Variants in TRAPPC9 observed in about 807,000 individuals in gnomAD.
The protein encoded by TRAPPC9 is trafficking protein particle complex subunit 9, also known as IKK2 binding protein.
TRAPPC9 carries 83 observed loss-of-function variants against 124.0 expected under a neutral mutation model. The observed-to-expected ratio is 0.67, with a 90% CI of 0.56 to 0.80. The LOEUF (loss-of-function observed/expected upper bound fraction) is 0.80, where lower values mean the gene tolerates loss of function less well. TRAPPC9 is among the 30% of genes least tolerant of loss of function. The pLI is 0.00. For missense variants in TRAPPC9, 1,302 were observed against 1,508.3 expected, an observed-to-expected ratio of 0.86 and a Z score of 2.27; for synonymous variants, 638 against 617.5, an observed-to-expected ratio of 1.03 and a Z score of -0.49.
intron 17 of TRAPPC9, among the ~76,000 whole-genome samples, chr8:140,168,884 G>A (rs2061904441): frequency 6.6e-6 from 1 of 152,236 alleles, no homozygotes; most frequent in African/African-American, 2.4e-5. Context: ...TAGAGGGTAA[G>A]TTCTATGGGG....
intron 2 of TRAPPC9, among the ~76,000 whole-genome samples, chr8:140,441,779 G>A (rs1324204176): frequency 6.6e-6 from 1 of 152,134 alleles, no homozygotes; most frequent in Non-Finnish European, 1.5e-5. Context: ...TGCCCAGGCT[G>A]GTCTGGAACT....
chr8:140,216,220 G>A lies in TRAPPC9; in HGVS notation c.2556+5239C>T, dbSNP rs140937017. Among the ~76,000 whole-genome samples the A allele has an allele frequency of 3.8e-4, 58 of 152,268 alleles. 1 individual carries two copies. Among genetic ancestry groups the A allele is most frequent in the East Asian group, 3.1e-3 (16 of 5,180 alleles). On this transcript the variant is annotated intron_variant, in intron 17 of 22. Transcript: ENST00000438773. This position sits in a 1 kb window ranked among gnomAD's most constrained non-coding sequence, Gnocchi z 4.1. ...CCAAAAGGACAATTTCGATGCAAGTGCCTGATATGCAAGAGTTCCTCGGTA... is the reference window on the plus strand; with the variant it reads ...CCAAAAGGACAATTTCGATGCAAGTACCTGATATGCAAGAGTTCCTCGGTA...
At position 140,311,217 on chromosome 8, in the gene TRAPPC9, T is replaced by C. The variant is rs201592204; in HGVS notation, c.1622+31A>G. The C allele has an allele frequency of 7.1e-4, 1,147 of 1,606,382 alleles. 11 individuals carry two copies. In the African/African-American group the frequency reaches 0.014, roughly 19 times the overall value. On this transcript the variant is annotated intron_variant, in intron 10 of 22. Transcript: ENST00000438773. Reference sequence around the variant, plus strand: ...AGAGGACGGTGTCCCAGAGGGCAGCTGCCTTTCCGGCTCTGCAGTGCCCAT... The same window carrying C: ...AGAGGACGGTGTCCCAGAGGGCAGCCGCCTTTCCGGCTCTGCAGTGCCCAT...
intron 17 of TRAPPC9, among the ~76,000 whole-genome samples, chr8:140,117,999 G>C (rs1423517626): frequency 6.6e-6 from 1 of 152,162 alleles, no homozygotes; most frequent in East Asian, 1.9e-4. Context: ...GCAACCACTA[G>C]GAATTTGAAG....
chr8:139,857,196 G>A (rs1359198139), intron 21 of TRAPPC9, among the ~76,000 whole-genome samples: 1 of 152,180 alleles, frequency 6.6e-6, no homozygotes, highest in African/African-American at 2.4e-5. Flanking sequence ...AGGAGGGAGC[G>A]GTGGAGCGCC....
chr8:140,213,306 A>G (rs553252930), intron 17 of TRAPPC9, among the ~76,000 whole-genome samples: 1 of 152,220 alleles, frequency 6.6e-6, no homozygotes, highest in African/African-American at 2.4e-5. Context: ...TTGTCACATC[A>G]TCTCAGTTTT....
At chr8:140,122,480 A>G (rs2061007333) in intron 17 of TRAPPC9, among the ~76,000 whole-genome samples, 1 of 152,254 alleles carries the variant, frequency 6.6e-6, no homozygotes, top group South Asian at 2.1e-4. Flanking sequence ...AGGAGTGAAC[A>G]AAAGTCTTAG....
chr8:140,185,650 C>T (rs970511308), intron 17 of TRAPPC9, among the ~76,000 whole-genome samples: 8 of 152,134 alleles, frequency 5.3e-5, no homozygotes, highest in Non-Finnish European at 7.3e-5. Context: ...AGGGCTCAGC[C>T]GCATTCCCAC....
intron 12 of TRAPPC9, 64 bp from the exon 13 acceptor site, chr8:140,287,798 T>A: frequency 1.2e-6 from 2 of 1,610,586 alleles, no homozygotes; most frequent in East Asian, 2.2e-5. Context: ...CAGTTCCAAA[T>A]GAGCCTTAAG....
chr8:140,017,531 G>A (rs1479898073), intron 18 of TRAPPC9, among the ~76,000 whole-genome samples: 1 of 152,162 alleles, frequency 6.6e-6, no homozygotes, highest in Non-Finnish European at 1.5e-5. Context: ...ATCAACTGAT[G>A]AGATACAATT....
intron 17 of TRAPPC9, among the ~76,000 whole-genome samples, chr8:140,086,216 G>C (rs1057494450): frequency 3.9e-5 from 6 of 152,158 alleles, no homozygotes; most frequent in Admixed American, 2.0e-4. Flanking sequence ...CACAAAGAAA[G>C]TACAAGAGGA....
chr8:140,349,469 A>T lies in TRAPPC9; in HGVS notation c.1495+10581T>A, dbSNP rs183088640. On this transcript the variant is annotated intron_variant, in intron 9 of 22. Transcript: ENST00000438773. ...AGGGAAGGGCACACAGGGGGGCCGA[A>T]GGGGGCGCGCGAGGGAAGGCAGACG... is the stretch of plus-strand genomic sequence containing the variant. Among the ~76,000 whole-genome samples, 617 of 132,268 alleles carry T rather than the reference A, an allele frequency of 4.7e-3. 2 individuals carry two copies. The highest frequency in any genetic ancestry group is 0.016 in the African/African-American group (554 of 33,756). 86.8% of individuals were successfully genotyped at this position (132,268 alleles called of 152,430 possible). A position where few individuals can be genotyped will look rare whatever the true frequency, so the allele number is the denominator to read the frequency against.
intron 19 of TRAPPC9, among the ~76,000 whole-genome samples, chr8:139,924,546 G>T (rs1393580219): frequency 1.3e-5 from 2 of 152,200 alleles, no homozygotes; most frequent in Non-Finnish European, 2.9e-5. Flanking sequence ...GCCGGGCCCT[G>T]GCACAATCCT....
intron 19 of TRAPPC9, chr8:139,916,544 CG>C (rs1464880011): frequency 2.0e-5 from 3 of 152,248 alleles, no homozygotes; most frequent in Non-Finnish European, 1.5e-5. Flanking sequence ...CGCGGCCTCC[CG>C]GGTAGACGGT....
intron 17 of TRAPPC9, among the ~76,000 whole-genome samples, chr8:140,069,651 G>A (rs544479518): frequency 3.3e-4 from 51 of 152,270 alleles, no homozygotes; most frequent in African/African-American, 1.1e-3. Flanking sequence ...GCTGATGGGT[G>A]TATCAGGCAG....
At chr8:140,310,696 C>T (rs752907623) in intron 10 of TRAPPC9, among the ~76,000 whole-genome samples, 4 of 151,972 alleles carry the variant, frequency 2.6e-5, no homozygotes, top group Non-Finnish European at 4.4e-5. Context: ...TCAGGGAGCT[C>T]GCCTCTCAGG....
chr8:140,011,586 C>G (rs551263709), intron 18 of TRAPPC9, among the ~76,000 whole-genome samples: 1 of 146,152 alleles, frequency 6.8e-6, no homozygotes, highest in East Asian at 2.0e-4. Context: ...TCACTGCAAC[C>G]TCTGCCTCCC....
chr8:140,458,056 CGA>C (rs546917206), upstream of TRAPPC9, among the ~76,000 whole-genome samples: 7 of 85,614 alleles, frequency 8.2e-5, no homozygotes, highest in East Asian at 1.8e-3. Flanking sequence ...GGAGGGGCAG[CGA>C]GAGAGAGAAG....
At chr8:140,114,442 G>A (rs1354665404) in intron 17 of TRAPPC9, among the ~76,000 whole-genome samples, 1 of 151,730 alleles carries the variant, frequency 6.6e-6, no homozygotes, top group Non-Finnish European at 1.5e-5. Context: ...GTAGAAATCT[G>A]ATATCATAAT....
Sources: allele counts gnomAD v4.1 joint callset (sites outside exome capture counted in the v4.1 genomes callset), GRCh38; gene constraint gnomAD v4.1.1; non-coding constraint Gnocchi (gnomAD v3.1); transcripts MANE v1.5; gene names NCBI Gene and HGNC (gene_info 2026-07-23, HGNC 2026-07-21).